Variants in TTLL3 observed in about 807,000 individuals in gnomAD.
TTLL3 encodes the protein tubulin monoglycylase TTLL3.
TTLL3 carries 63 observed loss-of-function variants against 75.2 expected under a neutral mutation model. The ratio of observed to expected loss-of-function variants is 0.84; its 90% confidence interval spans 0.68 to 1.03. TTLL3 has a LOEUF of 1.03. TTLL3 is among the 50% of genes least tolerant of loss of function. The pLI, the probability that TTLL3 is intolerant of heterozygous loss-of-function variation, is 0.00. For missense variants in TTLL3, 997 were observed against 1,069.9 expected (o/e 0.93, Z 0.95); for synonymous variants, 393 against 418.5 (o/e 0.94, Z 0.74).
chr3:9,817,796 C>G (rs978810372), intron 6 of TTLL3, 37 bp downstream of exon 6: 1 of 1,613,006 alleles, frequency 6.2e-7, no homozygotes, highest in Non-Finnish European at 8.5e-7. Flanking sequence ...GAACCTCAGG[C>G]TGACAGAGCA....
Position 9,834,760 on chromosome 3 carries a change from C to CA in TTLL3, c.1906dup (p.Arg636LysfsTer11). 1 of 1,614,236 alleles carries CA rather than the reference C, an allele frequency of 6.2e-7. No individual in the cohort carries two copies. Among genetic ancestry groups the CA allele is most frequent in the Non-Finnish European group, 8.5e-7 (1 of 1,180,042 alleles). ...TACTCCGACACCAGGGCCAGGTCCT[C>CA]AGACGACAGCACAGCAAGCTGGTGG... On this transcript the variant is annotated frameshift_variant, in exon 13 of 14. Coordinates refer to ENST00000685419, the MANE Select transcript of TTLL3 (RefSeq NM_001387446.1). LOFTEE classifies it high-confidence loss of function.
At position 9,826,906 on chromosome 3, in the gene TTLL3, A is replaced by G; in HGVS notation, c.1004-91A>G. ...ACAGCCTTACCCACTCAGCCCTATC[A>G]GCTCCGAGGGGACAAGAGCTCATGA... On this transcript the variant is annotated intron_variant, in intron 9 of 13. Coordinates refer to ENST00000685419, the MANE Select transcript of TTLL3 (RefSeq NM_001387446.1). 3 of 1,577,940 alleles carry G rather than the reference A, an allele frequency of 1.9e-6. No individual in the cohort carries two copies. In the East Asian group the frequency reaches 6.7e-5, roughly 35 times the overall value.
Position 9,810,423 on chromosome 3 carries a change from G to A in TTLL3, c.-42+29G>A. ...AGGCCCGTGCGGCCCGCTCGCTCTG[G>A]CCTACAGCGGCTGCGAGGACGACAA... On this transcript the variant is annotated intron_variant, in intron 1 of 13. Coordinates refer to ENST00000685419, the MANE Select transcript of TTLL3 (RefSeq NM_001387446.1). The surrounding 1 kb of genome is among the most constrained non-coding windows in gnomAD (Gnocchi z 4.4). 1 of 1,424,338 alleles carries A rather than the reference G, an allele frequency of 7.0e-7. No individual in the cohort carries two copies. Among genetic ancestry groups the A allele is most frequent in the Non-Finnish European group, 9.1e-7 (1 of 1,094,688 alleles). The allele number at this position is 1,424,338 out of a possible 1,614,324, so 88.2% of individuals were successfully genotyped here.
At chr3:9,811,050 G>T (rs1451138226) in intron 2 of TTLL3, among the ~76,000 whole-genome samples, 5 of 152,114 alleles carry the variant, frequency 3.3e-5, no homozygotes, top group Non-Finnish European at 5.9e-5. Flanking sequence ...TTGGCTGTCT[G>T]ACTGCACGCT....
At chr3:9,809,884 G>A, upstream of TTLL3, 5 of 645,546 alleles carry the variant, frequency 7.7e-6, no homozygotes, top group Non-Finnish European at 1.1e-5. Context: ...AATAGCAAAC[G>A]GGGCGGGGCT....
rs2079231394 is a variant in TTLL3 at position 9,810,411 on chromosome 3, C to G, written c.-42+17C>G. ...CGCAGGATGGTGAGGCCCGTGCGGC[C>G]CGCTCGCTCTGGCCTACAGCGGCTG... On this transcript the variant is annotated intron_variant, in intron 1 of 13. Coordinates refer to ENST00000685419, the MANE Select transcript of TTLL3 (RefSeq NM_001387446.1). This position sits in a 1 kb window ranked among gnomAD's most constrained non-coding sequence, Gnocchi z 4.4. 7.1e-7 allele frequency: 1 copy of G among 1,413,146 alleles called. No homozygotes were observed. The allele number at this position is 1,413,146 out of a possible 1,614,324, so 87.5% of individuals were successfully genotyped here. A position where few individuals can be genotyped will look rare whatever the true frequency, so the allele number is the denominator to read the frequency against.
At chr3:9,814,713 C>T (rs1366927241) in intron 4 of TTLL3, among the ~76,000 whole-genome samples, 4 of 149,270 alleles carry the variant, frequency 2.7e-5, no homozygotes, top group African/African-American at 7.4e-5. Context: ...CCCAGCTACT[C>T]GGGAGGCTGA....
chr3:9,824,298 A>C (rs1275617942), intron 8 of TTLL3, among the ~76,000 whole-genome samples: 1 of 152,248 alleles, frequency 6.6e-6, no homozygotes, highest in South Asian at 2.1e-4. Context: ...AATGAACCCC[A>C]AAAAGCACCT....
intron 6 of TTLL3, 161 bp downstream of exon 6, chr3:9,817,920 C>T: frequency 1.1e-6 from 1 of 934,616 alleles, no homozygotes; most frequent in South Asian, 1.7e-5. Context: ...CCTAATGTGC[C>T]CTCCCTTAAT....
rs770468856 is a variant in TTLL3, at chr3:9,829,083, G to A, written c.1371G>A (p.Met457Ile). 2 of 1,614,250 alleles carry A rather than the reference G, an allele frequency of 1.2e-6. No individual in the cohort carries two copies. The highest frequency in any genetic ancestry group is 1.7e-6 in the Non-Finnish European group (2 of 1,180,046). Residue 457 changes from methionine (M) to isoleucine (I), a missense_variant, in exon 11 of 14, where the codon ATG becomes ATA. Physicochemically the swap from Met to Ile is conservative, Grantham distance 10. Transcript: ENST00000685419. Reference sequence around the variant, plus strand: ...GGTTCCAGGCCCACCTGCAGGAGATGGGTGCCCCAAATGCTTGGTCCACCA... The same window carrying A: ...GGTTCCAGGCCCACCTGCAGGAGATAGGTGCCCCAAATGCTTGGTCCACCA... ...SQRFQAHLQE[M>I]GAPNAWSTII...
chr3:9,823,245 G>A (rs2080661796), intron 8 of TTLL3, among the ~76,000 whole-genome samples: 2 of 152,032 alleles, frequency 1.3e-5, no homozygotes, highest in Admixed American at 1.3e-4. Flanking sequence ...TTAGCTGGGT[G>A]TGGTGGTGGG....
At chr3:9,815,937 TG>T in intron 4 of TTLL3, 136 bp from the exon 5 acceptor site, 1 of 796,300 alleles carries the variant, frequency 1.3e-6, no homozygotes, top group Non-Finnish European at 1.7e-6. Context: ...ACAAAGATGA[TG>T]TGTGGGCTAG....
chr3:9,821,918 G>A (rs1270169405), intron 8 of TTLL3, among the ~76,000 whole-genome samples: 1 of 150,288 alleles, frequency 6.7e-6, no homozygotes. Flanking sequence ...CAGGAGAATC[G>A]CTTGAACCTG....
chr3:9,810,887 C>T lies in TTLL3; in HGVS notation c.48+178C>T, dbSNP rs1370310709. On this transcript the variant is annotated intron_variant, in intron 2 of 13. Coordinates refer to ENST00000685419, the MANE Select transcript of TTLL3 (RefSeq NM_001387446.1). The surrounding 1 kb of genome is among the most constrained non-coding windows in gnomAD (Gnocchi z 4.4). ...CGTTTACCCCTTCAGCACCAAACTT[C>T]TGGGCTCCCTCCACTCTGGTTCCCT... Among the ~76,000 whole-genome samples, 2 of 152,212 alleles carry T rather than the reference C, an allele frequency of 1.3e-5. No individual in the cohort carries two copies. The highest frequency in any genetic ancestry group is 6.5e-5 in the Admixed American group (1 of 15,286).
chr3:9,814,743 C>T (rs1259501762), intron 4 of TTLL3, among the ~76,000 whole-genome samples: 1 of 150,532 alleles, frequency 6.6e-6, no homozygotes. Context: ...ATTGCTTGAA[C>T]GTGGGAGGTG....
rs757978047 is a variant in TTLL3, at chr3:9,829,287, C to T, written c.1575C>T (p.Val525=). Reference sequence around the variant, plus strand: ...CCACGATGGCACCCTCCACAGCAGTCACTGCCCGGCTCTGTGCTGGCGTGC... The same window carrying T: ...CCACGATGGCACCCTCCACAGCAGTTACTGCCCGGCTCTGTGCTGGCGTGC... ...ASPTMAPSTA[V]TARLCAGVQA... is the part of the protein sequence containing the mutation. The change falls in exon 11 of 14, where the codon GTC becomes GTT. Residue 525 remains valine (V), a synonymous_variant. Coordinates refer to ENST00000685419, the MANE Select transcript of TTLL3 (RefSeq NM_001387446.1). 5 of 1,614,030 alleles carry T rather than the reference C, an allele frequency of 3.1e-6. No individual in the cohort carries two copies.
At chr3:9,831,575 CTG>C (rs910259321) in intron 11 of TTLL3, among the ~76,000 whole-genome samples, 1 of 152,164 alleles carries the variant, frequency 6.6e-6, no homozygotes, top group Non-Finnish European at 1.5e-5. Context: ...CTGTAAGGTG[CTG>C]TGTTGGCTCT....
intron 8 of TTLL3, among the ~76,000 whole-genome samples, chr3:9,824,737 C>CTTTTTTTTTTTTTTTT (rs71052207): frequency 5.0e-5 from 4 of 80,676 alleles, no homozygotes; most frequent in East Asian, 3.8e-4. Context: ...CTTTTCTTTT[C>CTTTTTTTTTTTTTTTT]TTTTTTTTTT....
intron 4 of TTLL3, among the ~76,000 whole-genome samples, chr3:9,814,510 T>C (rs2079642406): frequency 6.6e-6 from 1 of 151,850 alleles, no homozygotes; most frequent in Non-Finnish European, 1.5e-5. Flanking sequence ...TAGCTGGGTG[T>C]AGTGGTGTAT....
Sources: gnomAD v4.1 joint callset for allele counts (sites outside exome capture counted in the v4.1 genomes callset) on GRCh38, gnomAD v4.1.1 for gene constraint, Gnocchi (gnomAD v3.1) non-coding constraint, MANE v1.5 for transcripts, NCBI Gene and HGNC (gene_info 2026-07-23, HGNC 2026-07-21) for gene names.